Variants in MKS1 observed in about 807,000 individuals in gnomAD.
MKS1 encodes MKS transition zone complex subunit 1.
Under a neutral mutation model 83.7 loss-of-function variants are expected in MKS1, and 70 were observed. The observed-to-expected ratio is 0.84, with a 90% confidence interval of 0.69 to 1.02. The LOEUF (loss-of-function observed/expected upper bound fraction) is 1.02, where lower values mean the gene tolerates loss of function less well. Among genes scored for constraint, MKS1 ranks in the 50% least tolerant of loss-of-function variants. MKS1 has a pLI of 0.00. For missense variants in MKS1, 681 were observed against 726.9 expected, an observed-to-expected ratio of 0.94 and a Z score of 0.73; for synonymous variants, 251 against 273.4, an observed-to-expected ratio of 0.92 and a Z score of 0.81.
rs201771125 is a variant in MKS1 at position 58,213,029 on chromosome 17, G to A, written c.811C>T (p.His271Tyr). 6.8e-6 allele frequency: 11 copies of A among 1,613,954 alleles called. No individual in the cohort carries two copies. Among genetic ancestry groups the A allele is most frequent in the Admixed American group, 1.7e-5 (1 of 59,998 alleles). Residue 271 changes from histidine (H) to tyrosine (Y), a missense_variant, in exon 8 of 18, where the codon CAC becomes TAC. Physicochemically the swap from His to Tyr is moderately conservative, Grantham distance 83 (BLOSUM62 2). Coordinates refer to ENST00000393119, the MANE Select transcript of MKS1 (RefSeq NM_017777.4). ...CGCTCCTCCTCCTCCGGCTGTGCGT[G>A]GGGGGAAACATTGTCGATCGTATAT... ...WKYTIDNVSP[H>Y]AQPEEEERER... is the part of the protein sequence containing the mutation.
chr17:58,215,035 C>A (rs1969112292), intron 4 of MKS1, 197 bp from the exon 5 acceptor site: 4 of 765,674 alleles, frequency 5.2e-6, no homozygotes, highest in Non-Finnish European at 8.1e-6. Flanking sequence ...TCATGGTTTG[C>A]CTTTGGATTT....
At chr17:58,208,744 T>C (rs553908613) in intron 11 of MKS1, among the ~76,000 whole-genome samples, 161 bp from the exon 12 acceptor site, 76 of 151,744 alleles carry the variant, frequency 5.0e-4, no homozygotes, top group Admixed American at 1.2e-3. Flanking sequence ...AGGATAATAG[T>C]GGAGAGAAGG....
At position 58,216,104 on chromosome 17, in the gene MKS1, T is replaced by C. The variant is rs747461404; in HGVS notation, c.401A>G (p.Tyr134Cys). ...GAACAATACCTCCTCCAAATTGGTG[T>C]ATCTATCAGAGTCAGTGTAGGTAAA... is the stretch of plus-strand genomic sequence containing the variant. ...RIFTYTDSDR[Y>C]TNLEEHCQRM... The change falls in exon 4 of 18, where the codon TAC becomes TGC. Residue 134 changes from tyrosine (Y) to cysteine (C), a missense_variant. Around this residue, in one of 3 missense-constraint regions of MKS1, gnomAD observed 365 missense variants for 383.8 expected, o/e 0.95. Coordinates refer to ENST00000393119, the MANE Select transcript of MKS1 (RefSeq NM_017777.4). 9.9e-6 allele frequency: 16 copies of C among 1,614,096 alleles called. No homozygotes were observed. Among genetic ancestry groups the C allele is most frequent in the Non-Finnish European group, 1.4e-5 (16 of 1,180,040 alleles).
At chr17:58,206,586 T>G in intron 15 of MKS1, 39 bp from the exon 16 acceptor site, 2 of 1,575,468 alleles carry the variant, frequency 1.3e-6, no homozygotes, top group Non-Finnish European at 1.7e-6. Context: ...GTTTCTGCTC[T>G]CTCTAGACAC....
At chr17:58,219,083 C>G in intron 1 of MKS1, 68 bp downstream of exon 1, 1 of 1,533,936 alleles carries the variant, frequency 6.5e-7, no homozygotes, top group Non-Finnish European at 8.8e-7. Flanking sequence ...CTCAGAACAC[C>G]GAGCTCAGGT....
In MKS1 at chr17:58,216,239, T is replaced by TAC; in HGVS notation, c.265_266insGT (p.Glu89GlyfsTer3). ...TGTTTCATTTTGGTACAGATCTACT[T>TAC]CAAACTGAGGTTACCATAAGGAAAC... On this transcript the variant is annotated frameshift_variant, in exon 4 of 18. Transcript: ENST00000393119. LOFTEE classifies it high-confidence loss of function. 1 of 1,612,648 alleles carries TAC rather than the reference T, an allele frequency of 6.2e-7. No homozygotes were observed.
rs750025608 is a variant in MKS1 at position 58,212,389 on chromosome 17, C to T, written c.904G>A (p.Asp302Asn). 20 of 1,614,056 alleles carry T rather than the reference C, an allele frequency of 1.2e-5. No homozygotes were observed. The highest frequency in any genetic ancestry group is 6.7e-5 in the African/African-American group (5 of 74,922). The change falls in exon 9 of 18, where the codon GAC becomes AAC. Residue 302 changes from aspartate to asparagine, a missense_variant. Transcript: ENST00000393119. ...KEYLSSLVGT[D>N]FEMTVPGALR... ...GCCAAGCTACTCACCATCTCAAAGT[C>T]GGTGCCTACGAGGCTGCTGAGATAC...
At chr17:58,208,315 C>T in intron 12 of MKS1, 141 bp from the exon 13 acceptor site, 1 of 944,326 alleles carries the variant, frequency 1.1e-6, no homozygotes, top group South Asian at 1.4e-5. Flanking sequence ...TGCAAAAGGA[C>T]ACCCAAATAC....
chr17:58,214,988 G>T, intron 4 of MKS1, 150 bp from the exon 5 acceptor site: 1 of 1,276,502 alleles, frequency 7.8e-7, no homozygotes, highest in Non-Finnish European at 1.1e-6. Context: ...AACGGAGGGA[G>T]CAGTAGCCAA....
intron 12 of MKS1, 148 bp downstream of exon 12, chr17:58,208,365 G>A (rs1968661340): frequency 9.9e-7 from 1 of 1,014,610 alleles, no homozygotes; most frequent in Non-Finnish European, 1.5e-6. Context: ...AGGATCTCCG[G>A]ACCAGGTGGC....
In MKS1 at chr17:58,219,237, T is replaced by C. The variant is rs1333500129; in HGVS notation, c.-7A>G. The C allele has an allele frequency of 6.5e-7, 1 of 1,550,378 alleles. No individual in the cohort carries two copies. Among genetic ancestry groups the C allele is most frequent in the Non-Finnish European group, 8.7e-7 (1 of 1,146,826 alleles). The stretch of plus-strand genomic sequence containing the variant: ...TCCAGACGGTCTCCGCCATGACAGC[T>C]GCGACGCGCCGCGACTGCGCCGGAA... On this transcript the variant is annotated 5_prime_UTR_variant, in exon 1 of 18. Transcript: ENST00000393119.
rs770497568 is a variant in MKS1, at chr17:58,208,530, T to C, written c.1078A>G (p.Thr360Ala). The C allele has an allele frequency of 1.2e-6, 2 of 1,613,972 alleles. No homozygotes were observed. Among genetic ancestry groups the C allele is most frequent in the African/African-American group, 2.7e-5 (2 of 74,878 alleles). Residue 360 changes from threonine (T) to alanine (A), a missense_variant, in exon 12 of 18, where the codon ACC becomes GCC. By Grantham distance (58) the Thr-to-Ala change is moderately conservative (BLOSUM62 0). Around this residue, in one of 3 missense-constraint regions of MKS1, gnomAD observed 310 missense variants for 321.7 expected, o/e 0.96. Transcript: ENST00000393119. The stretch of plus-strand genomic sequence containing the variant: ...CTCCATACCATTGCCAGGGACTTGG[T>C]GGTGCAGGTCTGTGTTACTCCTGAG... Reference protein sequence around the residue: ...QLSGVTQTCTTKSLAMDKVAH... With the variant: ...QLSGVTQTCTAKSLAMDKVAH...
chr17:58,208,545 T>C lies in MKS1; in HGVS notation c.1063A>G (p.Thr355Ala), dbSNP rs745809472. 1.2e-6 allele frequency: 2 copies of C among 1,614,192 alleles called. No homozygotes were observed. Among genetic ancestry groups the C allele is most frequent in the South Asian group, 2.2e-5 (2 of 91,080 alleles). Reference sequence around the variant, plus strand: ...AGGGACTTGGTGGTGCAGGTCTGTGTTACTCCTGAGAGCTGCTGGAATGCT... The same window carrying C: ...AGGGACTTGGTGGTGCAGGTCTGTGCTACTCCTGAGAGCTGCTGGAATGCT... ...SPAFQQLSGVTQTCTTKSLAM... is the reference protein window; with the variant it reads ...SPAFQQLSGVAQTCTTKSLAM... The change falls in exon 12 of 18, where the codon ACA (threonine) becomes GCA (alanine). Residue 355 changes from threonine to alanine, a missense_variant. Coordinates refer to ENST00000393119, the MANE Select transcript of MKS1 (RefSeq NM_017777.4).
At chr17:58,208,432 C>T in intron 12 of MKS1, 81 bp downstream of exon 12, 1 of 1,513,040 alleles carries the variant, frequency 6.6e-7, no homozygotes, top group Non-Finnish European at 9.2e-7. Flanking sequence ...GGGCGCACAG[C>T]ACTTGGCCTG....
At chr17:58,215,129 G>A (rs1182891280) in intron 4 of MKS1, among the ~76,000 whole-genome samples, 1 of 152,174 alleles carries the variant, frequency 6.6e-6, no homozygotes, top group Admixed American at 6.5e-5. Context: ...TAGTGTGCTT[G>A]GTAGATGTTG....
intron 11 of MKS1, 82 bp from the exon 12 acceptor site, chr17:58,208,665 T>TA: frequency 7.6e-7 from 1 of 1,323,690 alleles, no homozygotes; most frequent in Non-Finnish European, 1.1e-6. Flanking sequence ...TTTTTTCTTT[T>TA]CTTTTTTTTT....
At chr17:58,206,971 G>C (rs1353333299) in intron 15 of MKS1, 114 bp downstream of exon 15, 22 of 1,443,926 alleles carry the variant, frequency 1.5e-5, no homozygotes, top group Non-Finnish European at 2.0e-5. Context: ...CAGGAAGGAA[G>C]GGGTTAATAC....
rs901476301 is a variant in MKS1 at position 58,214,384 on chromosome 17, C to T, written c.519G>A (p.Glu173=). 6.8e-6 allele frequency: 11 copies of T among 1,612,986 alleles called. No individual in the cohort carries two copies. Among genetic ancestry groups the T allele is most frequent in the Non-Finnish European group, 9.3e-6 (11 of 1,180,032 alleles). The stretch of plus-strand genomic sequence containing the variant: ...CGATGCGTGACTTGAGGATGCCGCC[C>T]TCCCTGGGAGACACCACAGAAAGGT... The part of the protein sequence containing the change: ...RRRRQDRRGM[E]GGILKSRIVT... Residue 173 remains glutamate (E), a synonymous_variant, in exon 6 of 18, where the codon GAG becomes GAA. Transcript: ENST00000393119.
chr17:58,219,009 A>C, intron 1 of MKS1, 142 bp downstream of exon 1: 2 of 1,218,296 alleles, frequency 1.6e-6, no homozygotes, highest in Non-Finnish European at 2.3e-6. Flanking sequence ...GGATGGGGGT[A>C]CGGATAGTGA....
Sources: gnomAD v4.1 joint callset for allele counts (sites outside exome capture counted in the v4.1 genomes callset) on GRCh38, gnomAD v4.1.1 for gene constraint, gnomAD v4.1.1 regional missense constraint, MANE v1.5 for transcripts, NCBI Gene and HGNC (gene_info 2026-07-23, HGNC 2026-07-21) for gene names.